The following ZNF704 variants were observed in gnomAD, a reference collection of about 807,000 sequenced individuals.
ZNF704 encodes the protein glucocorticoid induced gene 1.
ZNF704 carries 10 observed loss-of-function variants against 44.7 expected under a neutral mutation model. The observed-to-expected ratio is 0.22, with a 90% CI of 0.14 to 0.38. ZNF704 has a LOEUF of 0.38. Among genes scored for constraint, ZNF704 ranks in the 10% least tolerant of loss-of-function variants. ZNF704 has a pLI of 1.00. For missense variants in ZNF704, 390 were observed against 545.5 expected (o/e 0.71, Z 2.84); for synonymous variants, 211 against 207.6 (o/e 1.02, Z -0.14).
intron 5 of ZNF704, among the ~76,000 whole-genome samples, chr8:80,666,871 T>C (rs1453749583): frequency 2.0e-5 from 3 of 151,918 alleles, no homozygotes; most frequent in African/African-American, 4.8e-5. Context: ...ATTAGCCCTT[T>C]GTCAGATGAG....
upstream of ZNF704, among the ~76,000 whole-genome samples, chr8:80,875,356 G>C (rs1200695581): frequency 6.6e-6 from 1 of 152,082 alleles, no homozygotes; most frequent in Non-Finnish European, 1.5e-5. Flanking sequence ...CAAGGCTGGA[G>C]TGCAATGTCA....
At chr8:80,857,029 G>A (rs1204673308) in intron 1 of ZNF704, among the ~76,000 whole-genome samples, 1 of 151,946 alleles carries the variant, frequency 6.6e-6, no homozygotes, top group Non-Finnish European at 1.5e-5. Context: ...TCTCATCAAT[G>A]TTTTACAGAT....
chr8:80,768,082 G>C (rs1199877725), intron 2 of ZNF704, among the ~76,000 whole-genome samples: 1 of 152,126 alleles, frequency 6.6e-6, no homozygotes, highest in Admixed American at 6.5e-5. Flanking sequence ...CACAAGCTTT[G>C]AGTGTAGATT....
rs369808335 is a variant in ZNF704, at chr8:80,788,966, G to A, written c.221+32408C>T. 1.4e-4 allele frequency among the ~76,000 whole-genome samples: 21 copies of A among 152,150 alleles called. 1 individual carries two copies. The highest frequency in any genetic ancestry group is 3.6e-4 in the African/African-American group (15 of 41,516). On this transcript the variant is annotated intron_variant, in intron 2 of 8. Coordinates refer to ENST00000327835, the MANE Select transcript of ZNF704 (RefSeq NM_001033723.3). ...AGGACCTCTACTTCGAAAAACTATC[G>A]ACTGTATTTGGGTAAATATGTGCTC... is the stretch of plus-strand genomic sequence containing the variant.
In ZNF704 at chr8:80,693,854, G is replaced by A. The variant is rs115364572; in HGVS notation, c.222-747C>T. ...CCCTGGGAGGCTTTAAGCAGGCCTAGTGAAGTAATATGATGAATATTTGTA... is the reference window on the plus strand; with the variant it reads ...CCCTGGGAGGCTTTAAGCAGGCCTAATGAAGTAATATGATGAATATTTGTA... On this transcript the variant is annotated intron_variant, in intron 2 of 8. Transcript: ENST00000327835. Among the ~76,000 whole-genome samples, 217 of 152,344 alleles carry A rather than the reference G, an allele frequency of 1.4e-3. 1 individual carries two copies. The highest frequency in any genetic ancestry group is 4.8e-3 in the African/African-American group (200 of 41,576).
intron 2 of ZNF704, among the ~76,000 whole-genome samples, chr8:80,733,038 A>C (rs73268622): frequency 0.01 from 1,559 of 152,060 alleles, 28 homozygotes; most frequent in African/African-American, 0.035. Context: ...AGAAAGATTA[A>C]ATGATTTTTG....
chr8:80,685,155 A>T (rs568056702), intron 4 of ZNF704, among the ~76,000 whole-genome samples: 27 of 151,878 alleles, frequency 1.8e-4, no homozygotes, highest in Middle Eastern at 3.4e-3. Flanking sequence ...ATAAAAAAAT[A>T]AAAAAATAAA....
intron 2 of ZNF704, among the ~76,000 whole-genome samples, chr8:80,693,921 G>T (rs1818682714): frequency 6.6e-6 from 1 of 152,174 alleles, no homozygotes; most frequent in South Asian, 2.1e-4. Context: ...GGATCTTAGA[G>T]AAGGTAGAAT....
At chr8:80,737,216 T>C (rs1170879250) in intron 2 of ZNF704, among the ~76,000 whole-genome samples, 1 of 152,228 alleles carries the variant, frequency 6.6e-6, no homozygotes, top group African/African-American at 2.4e-5. Context: ...ATCTCACAGT[T>C]TCTGTGGTCA....
intron 3 of ZNF704, among the ~76,000 whole-genome samples, chr8:80,691,749 G>T (rs114818867): frequency 2.5e-3 from 380 of 152,266 alleles, no homozygotes; most frequent in African/African-American, 8.8e-3. Context: ...CCCCTTGAAT[G>T]ATCCTCAGGC....
chr8:80,657,384 T>C (rs1324999999), intron 7 of ZNF704, among the ~76,000 whole-genome samples: 2 of 152,142 alleles, frequency 1.3e-5, no homozygotes, highest in African/African-American at 4.8e-5. Flanking sequence ...GGGAATTCTC[T>C]GGTGAAAGAA....
chr8:80,703,553 T>C (rs879480386), intron 2 of ZNF704, among the ~76,000 whole-genome samples: 21 of 152,172 alleles, frequency 1.4e-4, no homozygotes, highest in Non-Finnish European at 2.8e-4. Flanking sequence ...TGGCTCACTG[T>C]AGCTTCCACC....
intron 8 of ZNF704, among the ~76,000 whole-genome samples, chr8:80,642,028 T>C (rs538919695): frequency 3.2e-4 from 49 of 152,202 alleles, no homozygotes; most frequent in Non-Finnish European, 3.4e-4. Context: ...GAGAGCAACA[T>C]TGCTCTTTCA....
At chr8:80,762,219 T>C (rs1343462829) in intron 2 of ZNF704, among the ~76,000 whole-genome samples, 6 of 152,188 alleles carry the variant, frequency 3.9e-5, no homozygotes, top group Non-Finnish European at 7.3e-5. Flanking sequence ...ATTGATACTA[T>C]GTGTGAAGGG....
intron 4 of ZNF704, among the ~76,000 whole-genome samples, chr8:80,676,115 G>C (rs1432081638): frequency 6.6e-6 from 1 of 152,200 alleles, no homozygotes; most frequent in Non-Finnish European, 1.5e-5. Context: ...GCATATGGAG[G>C]ATGCTGGTGG....
chr8:80,866,132 G>T (rs1809150617), intron 1 of ZNF704, among the ~76,000 whole-genome samples: 1 of 152,102 alleles, frequency 6.6e-6, no homozygotes, highest in South Asian at 2.1e-4. Flanking sequence ...CCAAACCACA[G>T]AATCTTCTTC....
intron 2 of ZNF704, among the ~76,000 whole-genome samples, chr8:80,725,558 G>A (rs190156495): frequency 1.1e-3 from 170 of 152,270 alleles, no homozygotes; most frequent in Non-Finnish European, 1.5e-3. Context: ...GGGGAAAAGA[G>A]GAAGTTATGG....
chr8:80,797,490 A>G (rs1807825723), intron 2 of ZNF704, among the ~76,000 whole-genome samples: 1 of 151,468 alleles, frequency 6.6e-6, no homozygotes, highest in Non-Finnish European at 1.5e-5. Context: ...TGCACAATTA[A>G]CATCATATGT....
rs953278299 is a variant in ZNF704, at chr8:80,681,011, G to GT, written c.558+6214dup. Among the ~76,000 whole-genome samples, 39 of 151,996 alleles carry GT rather than the reference G, an allele frequency of 2.6e-4. 1 individual carries two copies. The highest frequency in any genetic ancestry group is 4.9e-4 in the Non-Finnish European group (33 of 67,946). The stretch of plus-strand genomic sequence containing the variant: ...GGCTTTTTTTCCCCCTCTGCATAAT[G>GT]TTTTTTTTGATTCACTCACTGTTTC... On this transcript the variant is annotated intron_variant, in intron 4 of 8. Transcript: ENST00000327835.
Sources: allele counts gnomAD v4.1 joint callset (sites outside exome capture counted in the v4.1 genomes callset), GRCh38; gene constraint gnomAD v4.1.1; transcripts MANE v1.5; gene names NCBI Gene and HGNC (gene_info 2026-07-23, HGNC 2026-07-21).